Variants in AP1AR observed in about 807,000 individuals in gnomAD.
The protein encoded by AP1AR is AP-1 complex-associated regulatory protein.
A neutral mutation model predicts 46.3 loss-of-function variants in AP1AR; 29 were observed. The ratio of observed to expected loss-of-function variants is 0.63; its 90% CI spans 0.47 to 0.85. The LOEUF is 0.85. AP1AR is among the 40% of genes least tolerant of loss of function. The pLI is 0.00. For synonymous variants in AP1AR, 122 were observed against 122.9 expected, an observed-to-expected ratio of 0.99 and a Z score of 0.05; for missense variants, 357 against 356.3, an observed-to-expected ratio of 1.00 and a Z score of -0.02.
intron 1 of AP1AR, among the ~76,000 whole-genome samples, chr4:112,234,003 C>T (rs113346289): frequency 4.9e-4 from 75 of 152,306 alleles, no homozygotes; most frequent in African/African-American, 1.7e-3. Flanking sequence ...GGACTGCAGG[C>T]GCCCGCCACC....
intron 4 of AP1AR, among the ~76,000 whole-genome samples, chr4:112,259,567 T>C (rs1348615508): frequency 6.6e-6 from 1 of 152,132 alleles, no homozygotes; most frequent in Admixed American, 6.5e-5. Flanking sequence ...AGGACTTGGC[T>C]GAAAAAAAGA....
At position 112,273,077 on chromosome 4, in the gene AP1AR, A is replaced by C. The variant is rs1303617212; in HGVS notation, c.*4668A>C. 3 of 152,198 alleles carry C rather than the reference A, an allele frequency of 2.0e-5. No homozygotes were observed. The highest frequency in any genetic ancestry group is 2.4e-5 in the African/African-American group (1 of 41,448). The allele number at this position is 152,198 out of a possible 1,614,324, so 9.4% of individuals were successfully genotyped here. A position where few individuals can be genotyped will look rare whatever the true frequency, so the allele number is the denominator to read the frequency against. Reference sequence around the variant, plus strand: ...TTGAAATCCTAAATGTAAAACAACAACAACAATAACAATAAAAATGGAGAG... The same window carrying C: ...TTGAAATCCTAAATGTAAAACAACACCAACAATAACAATAAAAATGGAGAG... On this transcript the variant is annotated 3_prime_UTR_variant, in exon 10 of 10. Coordinates refer to ENST00000274000, the MANE Select transcript of AP1AR (RefSeq NM_018569.6).
chr4:112,264,634 AC>A (rs2110492671), intron 6 of AP1AR, among the ~76,000 whole-genome samples: 1 of 152,110 alleles, frequency 6.6e-6, no homozygotes, highest in East Asian at 1.9e-4. Context: ...TACTTATTTC[AC>A]CCAGAATGGA....
intron 8 of AP1AR, among the ~76,000 whole-genome samples, chr4:112,266,253 G>T (rs1726700627): frequency 1.3e-5 from 2 of 151,662 alleles, no homozygotes; most frequent in Admixed American, 1.3e-4. Context: ...GAAAATATAG[G>T]TTGCTTTTTG....
chr4:112,266,534 G>A, intron 8 of AP1AR, 54 bp from the exon 9 acceptor site: 1 of 1,549,344 alleles, frequency 6.5e-7, no homozygotes, highest in Non-Finnish European at 8.7e-7. Flanking sequence ...TAAAACGGCT[G>A]TTGCGGTGGA....
In AP1AR at chr4:112,268,396, AAC is replaced by A; in HGVS notation, c.898_899del (p.Gln300AspfsTer5). The A allele has an allele frequency of 6.3e-7, 1 of 1,596,634 alleles. No individual in the cohort carries two copies. Among genetic ancestry groups the A allele is most frequent in the Non-Finnish European group, 8.5e-7 (1 of 1,170,982 alleles). On this transcript the variant is annotated frameshift_variant, in exon 10 of 10. Transcript: ENST00000274000. LOFTEE classifies it high-confidence loss of function. ...GGCATAAGGCATTCTGACACAGATC[AAC>A]AGACTCGATAGGGTAAAATTGTGTG...
rs1344988467 is a variant in AP1AR at position 112,270,467 on chromosome 4, A to G, written c.*2058A>G. On this transcript the variant is annotated 3_prime_UTR_variant, in exon 10 of 10. Transcript: ENST00000274000. ...TAGGAGAGAGAGTAACTGGGGGCCAATTGACTACTTCTCATAGGTCAGGAC... is the reference window on the plus strand; with the variant it reads ...TAGGAGAGAGAGTAACTGGGGGCCAGTTGACTACTTCTCATAGGTCAGGAC... Among the ~76,000 whole-genome samples, 4 of 152,228 alleles carry G rather than the reference A, an allele frequency of 2.6e-5. No individual in the cohort carries two copies. The highest frequency in any genetic ancestry group is 9.6e-5 in the African/African-American group (4 of 41,472).
chr4:112,251,643 G>A (rs947769182), intron 1 of AP1AR, among the ~76,000 whole-genome samples: 1 of 152,196 alleles, frequency 6.6e-6, no homozygotes, highest in South Asian at 2.1e-4. Context: ...ATATAGCACT[G>A]TAAGCAGGAA....
intron 1 of AP1AR, among the ~76,000 whole-genome samples, chr4:112,233,529 A>G (rs1339827790): frequency 1.3e-5 from 2 of 152,252 alleles, no homozygotes; most frequent in Non-Finnish European, 2.9e-5. Flanking sequence ...TAGATGCCAC[A>G]CAATCTTTGG....
chr4:112,232,716 G>C (rs1725068262), intron 1 of AP1AR, among the ~76,000 whole-genome samples: 1 of 152,204 alleles, frequency 6.6e-6, no homozygotes, highest in African/African-American at 2.4e-5. Context: ...CTGAATTGCA[G>C]AGTTCCCAAT....
At chr4:112,244,792 T>C (rs1286764325) in intron 1 of AP1AR, among the ~76,000 whole-genome samples, 3 of 152,202 alleles carry the variant, frequency 2.0e-5, no homozygotes, top group African/African-American at 7.2e-5. Context: ...CAAAAATCTC[T>C]GGTCTGTATA....
Position 112,265,034 on chromosome 4 carries a change from A to C in AP1AR, c.407A>C (p.Gln136Pro). 6.2e-7 allele frequency: 1 copy of C among 1,603,674 alleles called. No individual in the cohort carries two copies. The highest frequency in any genetic ancestry group is 1.3e-5 in the African/African-American group (1 of 74,646). Residue 136 changes from glutamine to proline, a missense_variant, in exon 7 of 10, where the codon CAA becomes CCA. Transcript: ENST00000274000. ...LEQERQRIVQ[Q>P]YHPSNNGEYQ... ...CAAGAAAGGCAGAGAATTGTGCAGC[A>C]ATATCATCCTTCCAACAATGGAGAA...
intron 1 of AP1AR, among the ~76,000 whole-genome samples, chr4:112,251,193 A>G (rs1256235461): frequency 1.3e-5 from 2 of 152,192 alleles, no homozygotes; most frequent in African/African-American, 4.8e-5. Context: ...ACCCTGAACC[A>G]GTCAAATGAG....
Position 112,265,036 on chromosome 4 carries a change from TATC to T in AP1AR, c.413_415del (p.His138del), listed in dbSNP as rs1360874184. On this transcript the variant is annotated inframe_deletion, in exon 7 of 10. Coordinates refer to ENST00000274000, the MANE Select transcript of AP1AR (RefSeq NM_018569.6). ...AGAAAGGCAGAGAATTGTGCAGCAA[TATC>T]ATCCTTCCAACAATGGAGAATATCA... The T allele has an allele frequency of 3.7e-6, 6 of 1,603,380 alleles. No homozygotes were observed. The highest frequency in any genetic ancestry group is 3.3e-4 in the Middle Eastern group (2 of 6,046).
Position 112,254,781 on chromosome 4 carries a change from T to C in AP1AR, c.159+8T>C. 6.9e-7 allele frequency: 1 copy of C among 1,457,986 alleles called. No individual in the cohort carries two copies. The highest frequency in any genetic ancestry group is 1.4e-5 in the South Asian group (1 of 72,888). The allele number at this position is 1,457,986 out of a possible 1,614,324, so 90.3% of individuals were successfully genotyped here. ...CTAGTAGAAAGTGATGAAGTAAGTA[T>C]TTCCATAATAGTACAAAACTTGTAT... On this transcript the variant is annotated splice_region_variant and intron_variant, in intron 3 of 9. Transcript: ENST00000274000.
intron 3 of AP1AR, among the ~76,000 whole-genome samples, chr4:112,256,700 A>G (rs1169148882): frequency 1.3e-5 from 2 of 152,242 alleles, no homozygotes; most frequent in Admixed American, 6.5e-5. Context: ...TTAAATGTGT[A>G]AGAAATAGGC....
rs1267598237 is a variant in AP1AR, at chr4:112,270,916, G to T, written c.*2507G>T. Among the ~76,000 whole-genome samples the T allele has an allele frequency of 6.6e-6, 1 of 152,214 alleles. No homozygotes were observed. The highest frequency in any genetic ancestry group is 6.5e-5 in the Admixed American group (1 of 15,276). On this transcript the variant is annotated 3_prime_UTR_variant, in exon 10 of 10. Coordinates refer to ENST00000274000, the MANE Select transcript of AP1AR (RefSeq NM_018569.6). Reference sequence around the variant, plus strand: ...TGCTTTAGTTGCTGTGTAGAGAATGGATTGTAAGAAGGCAAGAGTGGATAT... The same window carrying T: ...TGCTTTAGTTGCTGTGTAGAGAATGTATTGTAAGAAGGCAAGAGTGGATAT...
intron 1 of AP1AR, among the ~76,000 whole-genome samples, chr4:112,252,655 G>T (rs548925727): frequency 6.6e-6 from 1 of 152,328 alleles, no homozygotes; most frequent in South Asian, 2.1e-4. Flanking sequence ...GTAATGGATT[G>T]TTTGATTGAC....
chr4:112,237,742 A>C (rs1221515970), intron 1 of AP1AR, among the ~76,000 whole-genome samples: 1 of 152,160 alleles, frequency 6.6e-6, no homozygotes, highest in East Asian at 1.9e-4. Context: ...TACAGTTGTG[A>C]GCCACTGCGC....
Sources: gnomAD v4.1 joint callset for allele counts (sites outside exome capture counted in the v4.1 genomes callset) on GRCh38, gnomAD v4.1.1 for gene constraint, MANE v1.5 for transcripts, NCBI Gene and HGNC (gene_info 2026-07-23, HGNC 2026-07-21) for gene names.